LRP6: variants seen among roughly 807,000 people sequenced by gnomAD.
LRP6 encodes the protein LDL receptor related protein 6.
LRP6 carries 43 observed loss-of-function variants against 184.1 expected under a neutral mutation model. That is an observed-to-expected ratio of 0.23 (90% CI 0.18 to 0.30). The LOEUF (loss-of-function observed/expected upper bound fraction) is 0.30, where lower values mean the gene tolerates loss of function less well. Among genes scored for constraint, LRP6 ranks in the 10% least tolerant of loss-of-function variants. The pLI is 1.00. For synonymous variants in LRP6, 719 were observed against 684.9 expected (o/e 1.05, Z -0.78); for missense variants, 1,571 against 2,005.3 (o/e 0.78, Z 4.14).
chr12:12,233,335 G>A (rs968917455), intron 2 of LRP6, among the ~76,000 whole-genome samples: 4 of 152,146 alleles, frequency 2.6e-5, no homozygotes, highest in African/African-American at 7.2e-5. Context: ...GGGCATGGTG[G>A]TGGGTGCTTA....
chr12:12,138,735 G>T (rs1949883993), intron 15 of LRP6: 2 of 1,446,960 alleles, frequency 1.4e-6, no homozygotes, highest in East Asian at 2.5e-5. Flanking sequence ...GCAATCAAGA[G>T]CAAGTAAGTG....
chr12:12,246,676 A>C (rs558321298), intron 1 of LRP6, among the ~76,000 whole-genome samples: 1 of 151,978 alleles, frequency 6.6e-6, no homozygotes, highest in Non-Finnish European at 1.5e-5. Flanking sequence ...TGTCTCAAAA[A>C]AAAAAAAAAG....
chr12:12,263,284 G>A (rs1865669672), intron 1 of LRP6, among the ~76,000 whole-genome samples: 1 of 147,400 alleles, frequency 6.8e-6, no homozygotes, highest in Admixed American at 6.8e-5. Flanking sequence ...AAAAAAGAAT[G>A]TGTGAATCTG....
At chr12:12,205,406 G>C (rs1177019167) in intron 2 of LRP6, among the ~76,000 whole-genome samples, 1 of 143,956 alleles carries the variant, frequency 6.9e-6, no homozygotes, top group East Asian at 2.2e-4. Context: ...TAAATGTGTT[G>C]AAACCCAAAT....
At chr12:12,229,511 A>C (rs1306950161) in intron 2 of LRP6, among the ~76,000 whole-genome samples, 2 of 152,262 alleles carry the variant, frequency 1.3e-5, no homozygotes, top group African/African-American at 2.4e-5. Context: ...CTTTCAAAAA[A>C]TAAATAATAA....
rs1329273693 is a variant in LRP6, at chr12:12,165,143, T to G, written c.1698A>C (p.Glu566Asp). The G allele has an allele frequency of 6.2e-7, 1 of 1,614,106 alleles. No individual in the cohort carries two copies. Among genetic ancestry groups the G allele is most frequent in the Non-Finnish European group, 8.5e-7 (1 of 1,179,990 alleles). ...GGTCAGGCAGCTGATCTATGATCAC[T>G]TCCCTCTCTGCACTTCGTTTATGAA... is the stretch of plus-strand genomic sequence containing the variant. Reference protein sequence around the residue: ...ERVHKRSAEREVIIDQLPDLM... With the variant: ...ERVHKRSAERDVIIDQLPDLM... Residue 566 changes from glutamate to aspartate, a missense_variant, in exon 8 of 23, where the codon GAA becomes GAC. Transcript: ENST00000261349.
intron 3 of LRP6, among the ~76,000 whole-genome samples, chr12:12,200,917 T>C (rs1326625663): frequency 6.6e-6 from 1 of 152,234 alleles, no homozygotes; most frequent in Non-Finnish European, 1.5e-5. Context: ...CATGTTTTTC[T>C]GGGGTGCTTT....
chr12:12,236,388 T>C (rs1014678314), intron 2 of LRP6, among the ~76,000 whole-genome samples: 1 of 152,186 alleles, frequency 6.6e-6, no homozygotes. Flanking sequence ...TAAATGCCCA[T>C]GAATCCATAC....
chr12:12,183,218 T>C (rs1346707883), intron 5 of LRP6, among the ~76,000 whole-genome samples: 2 of 152,284 alleles, frequency 1.3e-5, no homozygotes, highest in Non-Finnish European at 1.5e-5. Flanking sequence ...TTTTCAGAGT[T>C]AGATAAAGAA....
chr12:12,208,896 A>G (rs1051871727), intron 2 of LRP6, among the ~76,000 whole-genome samples: 3 of 152,242 alleles, frequency 2.0e-5, no homozygotes, highest in Admixed American at 2.0e-4. Context: ...ACACAAATCA[A>G]TTGATATTTC....
chr12:12,147,250 T>A (rs537060865), intron 15 of LRP6, 116 bp downstream of exon 15: 1 of 1,155,972 alleles, frequency 8.7e-7, no homozygotes, highest in African/African-American at 1.5e-5. Context: ...GCTGACTACA[T>A]TTAATGAATA....
At chr12:12,225,863 CTG>C (rs1168872326) in intron 2 of LRP6, among the ~76,000 whole-genome samples, 4 of 148,988 alleles carry the variant, frequency 2.7e-5, no homozygotes, top group Non-Finnish European at 1.5e-5. Flanking sequence ...CAGAGAAAGA[CTG>C]TGTCTCAAAA....
At chr12:12,257,003 C>T (rs536980626) in intron 1 of LRP6, among the ~76,000 whole-genome samples, 93 of 152,176 alleles carry the variant, frequency 6.1e-4, no homozygotes, top group Non-Finnish European at 1.0e-3. Context: ...GTGATAGAAG[C>T]TAGACACAAA....
At chr12:12,139,921 T>C (rs753204223) in intron 15 of LRP6, among the ~76,000 whole-genome samples, 22 of 152,056 alleles carry the variant, frequency 1.4e-4, no homozygotes, top group Non-Finnish European at 3.1e-4. Flanking sequence ...TGAAATTAAT[T>C]AGCTCAGAAA....
In LRP6 at chr12:12,203,402, T is replaced by TA. The variant is rs1863967330; in HGVS notation, c.450-3dup. The TA allele has an allele frequency of 6.3e-7, 1 of 1,596,018 alleles. No homozygotes were observed. The highest frequency in any genetic ancestry group is 1.3e-5 in the African/African-American group (1 of 74,542). On this transcript the variant is annotated splice_polypyrimidine_tract_variant and splice_region_variant and intron_variant, in intron 2 of 22. Transcript: ENST00000261349. ...CCCCAGTCTGTCCAGTACATGAACC[T>TA]AAAAATCATAAAAATAATTAAAGCC...
chr12:12,261,915 A>G (rs926414229), intron 1 of LRP6, among the ~76,000 whole-genome samples: 1 of 152,216 alleles, frequency 6.6e-6, no homozygotes, highest in African/African-American at 2.4e-5. Flanking sequence ...AAAAAAAAGT[A>G]ACGAAGAATT....
chr12:12,191,863 G>A (rs1422123927), intron 3 of LRP6, among the ~76,000 whole-genome samples: 1 of 151,646 alleles, frequency 6.6e-6, no homozygotes, highest in African/African-American at 2.4e-5. Context: ...TTACATAATA[G>A]AAAAAAATAT....
At chr12:12,127,401 A>G (rs778370300) in intron 19 of LRP6, among the ~76,000 whole-genome samples, 6 of 152,242 alleles carry the variant, frequency 3.9e-5, no homozygotes, top group Admixed American at 2.0e-4. Flanking sequence ...ATCAGCTCTG[A>G]GCACATGTTA....
chr12:12,149,240 G>A (rs1038349340), intron 13 of LRP6, 87 bp from the exon 14 acceptor site: 1 of 990,254 alleles, frequency 1.0e-6, no homozygotes, highest in African/African-American at 1.6e-5. Flanking sequence ...CACCTACATG[G>A]GCACACAGCT....
Sources: gnomAD v4.1 joint callset for allele counts (sites outside exome capture counted in the v4.1 genomes callset) on GRCh38, gnomAD v4.1.1 for gene constraint, MANE v1.5 for transcripts, NCBI Gene and HGNC (gene_info 2026-07-23, HGNC 2026-07-21) for gene names.